The following AHR variants were observed in gnomAD, a reference collection of about 807,000 sequenced individuals.
AHR encodes aryl hydrocarbon receptor, also known as AH-receptor.
In AHR, 40 loss-of-function variants were observed where a neutral mutation model predicts 86.8. That is an observed-to-expected ratio of 0.46 (90% CI 0.36 to 0.60). The LOEUF (loss-of-function observed/expected upper bound fraction) is 0.60, where lower values mean the gene tolerates loss of function less well. Among genes scored for constraint, AHR ranks in the 20% least tolerant of loss-of-function variants. The pLI is 0.00. For synonymous variants in AHR, 398 were observed against 354.9 expected, an observed-to-expected ratio of 1.12 and a Z score of -1.37; for missense variants, 1,001 against 1,011.6, an observed-to-expected ratio of 0.99 and a Z score of 0.14.
chr7:17,341,924 A>G (rs1782430575), intron 10 of AHR, among the ~76,000 whole-genome samples: 1 of 152,140 alleles, frequency 6.6e-6, no homozygotes. Flanking sequence ...GAGTAATGAG[A>G]AAAAATCATT....
Position 17,343,008 on chromosome 7 carries a change from C to A in AHR, c.2491C>A (p.His831Asn), listed in dbSNP as rs746950181. 3.1e-6 allele frequency: 5 copies of A among 1,613,810 alleles called. No homozygotes were observed. In the Admixed American group the frequency reaches 8.3e-5, roughly 27 times the overall value. ...GACTACCACACATCTTCAGCCACTT[C>A]ATCATCCGTCAGAAGCCAGACCTTT... ...TQTTTHLQPLHHPSEARPFPD... is the reference protein window; with the variant it reads ...TQTTTHLQPLNHPSEARPFPD... Residue 831 changes from histidine to asparagine, a missense_variant, in exon 11 of 11, where the codon CAT (histidine) becomes AAT (asparagine). Around this residue, in one of 2 missense-constraint regions of AHR, gnomAD observed 607 missense variants for 543.1 expected, o/e 1.12. Coordinates refer to ENST00000242057, the MANE Select transcript of AHR (RefSeq NM_001621.5).
At position 17,339,239 on chromosome 7, in the gene AHR, G is replaced by T. The variant is rs1338896259; in HGVS notation, c.1414G>T (p.Ala472Ser). 1.2e-6 allele frequency: 2 copies of T among 1,614,138 alleles called. No homozygotes were observed. The highest frequency in any genetic ancestry group is 1.7e-6 in the Non-Finnish European group (2 of 1,180,010). Residue 472 changes from alanine to serine, a missense_variant, in exon 10 of 11, where the codon GCT becomes TCT. Around this residue, in one of 2 missense-constraint regions of AHR, gnomAD observed 607 missense variants for 543.1 expected, o/e 1.12. Coordinates refer to ENST00000242057, the MANE Select transcript of AHR (RefSeq NM_001621.5). ...AGATGAGTCTATTTATCTCTATCCT[G>T]CTTCAAGTACTTCAAGTACTGCACC... ...QQDESIYLYP[A>S]SSTSSTAPFE... is the part of the protein sequence containing the mutation.
intron 1 of AHR, among the ~76,000 whole-genome samples, chr7:17,299,577 C>CCT (rs1781933601): frequency 6.6e-6 from 1 of 152,184 alleles, no homozygotes; most frequent in Admixed American, 6.5e-5. Flanking sequence ...GCATACACAC[C>CCT]CTCTCACATT....
chr7:17,307,094 C>T (rs1782013310), intron 1 of AHR, among the ~76,000 whole-genome samples: 2 of 151,874 alleles, frequency 1.3e-5, no homozygotes, highest in African/African-American at 4.8e-5. Flanking sequence ...AAAAGCAAGC[C>T]TCAGAATCTA....
chr7:17,330,693 A>C (rs1331610884), intron 5 of AHR, 63 bp from the exon 6 acceptor site: 1 of 1,438,284 alleles, frequency 7.0e-7, no homozygotes, highest in African/African-American at 1.4e-5. Flanking sequence ...AATTTTACCT[A>C]TTCAAGTGCT....
At chr7:17,307,236 C>G (rs1334988969) in intron 1 of AHR, among the ~76,000 whole-genome samples, 1 of 151,948 alleles carries the variant, frequency 6.6e-6, no homozygotes, top group African/African-American at 2.4e-5. Context: ...GTGTCACTCT[C>G]TTCTCTCCAG....
At chr7:17,307,211 C>T (rs1782014677) in intron 1 of AHR, among the ~76,000 whole-genome samples, 1 of 151,906 alleles carries the variant, frequency 6.6e-6, no homozygotes, top group South Asian at 2.1e-4. Flanking sequence ...AGCATGTTGC[C>T]TTGTTTCAGC....
intron 10 of AHR, among the ~76,000 whole-genome samples, chr7:17,341,443 TACC>T (rs1782422744): frequency 6.6e-6 from 1 of 152,180 alleles, no homozygotes; most frequent in East Asian, 1.9e-4. Flanking sequence ...GTTGCATGAG[TACC>T]ACATAAGTTC....
Position 17,339,891 on chromosome 7 carries a change from C to A in AHR, c.2066C>A (p.Ser689Tyr). ...HGISQEFPYKSEMDSMPYTQN... is the reference protein window; with the variant it reads ...HGISQEFPYKYEMDSMPYTQN... ...ATCAGTCAAGAGTTCCCCTACAAATCTGAAATGGATTCTATGCCTTATACA... is the reference window on the plus strand; with the variant it reads ...ATCAGTCAAGAGTTCCCCTACAAATATGAAATGGATTCTATGCCTTATACA... Residue 689 changes from serine to tyrosine, a missense_variant, in exon 10 of 11, where the codon TCT (serine) becomes TAT (tyrosine). This residue lies in a region of AHR where 607 missense variants were observed against 543.1 expected (regional missense o/e 1.12). Transcript: ENST00000242057. 6.2e-7 allele frequency: 1 copy of A among 1,614,212 alleles called. No individual in the cohort carries two copies. The highest frequency in any genetic ancestry group is 8.5e-7 in the Non-Finnish European group (1 of 1,180,026).
intron 10 of AHR, 29 bp downstream of exon 10, chr7:17,340,257 C>A (rs746286854): frequency 1.3e-6 from 2 of 1,552,872 alleles, no homozygotes; most frequent in Admixed American, 2.0e-5. Flanking sequence ...TGAATTAAAT[C>A]TTTCAGTGAT....
chr7:17,335,987 A>G (rs1334224016), intron 9 of AHR: 3 of 467,728 alleles, frequency 6.4e-6, no homozygotes, highest in South Asian at 3.6e-5. Context: ...GTGCAGAGCT[A>G]TAGAAAGAAT....
rs1782394992 is a variant in AHR, at chr7:17,339,513, G to A, written c.1688G>A (p.Arg563Lys). 1 of 1,613,884 alleles carries A rather than the reference G, an allele frequency of 6.2e-7. No homozygotes were observed. Among genetic ancestry groups the A allele is most frequent in the Non-Finnish European group, 8.5e-7 (1 of 1,180,002 alleles). The change falls in exon 10 of 11, where the codon AGA (arginine) becomes AAA (lysine). Residue 563 changes from arginine to lysine, a missense_variant. By Grantham distance (26) the Arg-to-Lys change is conservative (BLOSUM62 2). This residue lies in a region of AHR where 607 missense variants were observed against 543.1 expected (regional missense o/e 1.12). Coordinates refer to ENST00000242057, the MANE Select transcript of AHR (RefSeq NM_001621.5). ...CACATGCAGAATGAAAAATTTTTCA[G>A]AAATGATTTTTCTGGTGAGGTTGAC... ...IRHMQNEKFF[R>K]NDFSGEVDFR...
At chr7:17,303,343 C>A (rs1781973060) in intron 1 of AHR, among the ~76,000 whole-genome samples, 1 of 152,028 alleles carries the variant, frequency 6.6e-6, no homozygotes, top group Non-Finnish European at 1.5e-5. Flanking sequence ...AGCTTGTGTT[C>A]TTACTGACTT....
intron 9 of AHR, among the ~76,000 whole-genome samples, chr7:17,338,071 C>T (rs1052106393): frequency 4.9e-4 from 74 of 151,250 alleles, no homozygotes; most frequent in Admixed American, 3.1e-3. Context: ...TTGTAGCGGG[C>T]GCCTGTAGTC....
chr7:17,310,203 A>G, intron 2 of AHR, 80 bp downstream of exon 2: 1 of 1,336,944 alleles, frequency 7.5e-7, no homozygotes, highest in South Asian at 1.7e-5. Flanking sequence ...TGTGTTAATA[A>G]CTACAAAAAT....
At chr7:17,309,887 G>A (rs760282119) in intron 1 of AHR, 49 bp from the exon 2 acceptor site, 1 of 1,432,068 alleles carries the variant, frequency 7.0e-7, no homozygotes, top group South Asian at 1.5e-5. Flanking sequence ...AGAAATTTTT[G>A]CTTTATATTT....
At chr7:17,310,821 C>T (rs1782056804) in intron 2 of AHR, among the ~76,000 whole-genome samples, 1 of 152,302 alleles carries the variant, frequency 6.6e-6, no homozygotes, top group South Asian at 2.1e-4. Context: ...CAGGCATGAG[C>T]CACTGCGCCT....
chr7:17,302,810 AAT>A (rs572946925), intron 1 of AHR, among the ~76,000 whole-genome samples: 9 of 149,730 alleles, frequency 6.0e-5, no homozygotes, highest in Non-Finnish European at 6.0e-5. Flanking sequence ...ACAAAAAAAA[AAT>A]ATATATATAT....
At chr7:17,317,939 G>A (rs545854342) in intron 2 of AHR, among the ~76,000 whole-genome samples, 1 of 151,992 alleles carries the variant, frequency 6.6e-6, no homozygotes, top group East Asian at 1.9e-4. Context: ...TAGAGGAATT[G>A]TATAAAACTG....
Sources: allele counts gnomAD v4.1 joint callset (sites outside exome capture counted in the v4.1 genomes callset), GRCh38; gene constraint gnomAD v4.1.1; regional missense constraint gnomAD v4.1.1; transcripts MANE v1.5; gene names NCBI Gene and HGNC (gene_info 2026-07-23, HGNC 2026-07-21).